CHRM3: variants seen among roughly 807,000 people sequenced by gnomAD.
The protein encoded by CHRM3 is cholinergic receptor muscarinic 3.
Under a neutral mutation model 41.8 loss-of-function variants are expected in CHRM3, and 11 were observed. The observed-to-expected ratio is 0.26, with a 90% CI of 0.17 to 0.44. The LOEUF is 0.44. CHRM3 is among the 20% of genes least tolerant of loss of function. The pLI is 1.00. For missense variants in CHRM3, 571 were observed against 745.4 expected, an observed-to-expected ratio of 0.77 and a Z score of 2.72; for synonymous variants, 297 against 301.4, an observed-to-expected ratio of 0.99 and a Z score of 0.15.
At chr1:239,691,633 T>C (rs926937786) in intron 5 of CHRM3, among the ~76,000 whole-genome samples, 3 of 152,204 alleles carry the variant, frequency 2.0e-5, no homozygotes, top group Non-Finnish European at 4.4e-5. Flanking sequence ...TCATCAGTTT[T>C]AAATGTTATA....
At chr1:239,641,756 T>A (rs1164307123) in intron 4 of CHRM3, among the ~76,000 whole-genome samples, 2 of 130,146 alleles carry the variant, frequency 1.5e-5, no homozygotes, top group African/African-American at 6.1e-5. Flanking sequence ...GAGCATTTAG[T>A]CCATTTATAT....
chr1:239,619,760 A>G (rs1461711072), intron 3 of CHRM3, among the ~76,000 whole-genome samples: 1 of 152,142 alleles, frequency 6.6e-6, no homozygotes, highest in East Asian at 1.9e-4. Context: ...GGTGTGACCC[A>G]AAATAAGAAC....
chr1:239,707,152 T>C (rs1661274138), intron 5 of CHRM3: 1 of 152,318 alleles, frequency 6.6e-6, no homozygotes, highest in East Asian at 1.9e-4. Context: ...AAATATGTTA[T>C]ATAGCTATTT....
rs184492353 is a variant in CHRM3 at position 239,861,040 on chromosome 1, C to G, written c.-20+33662C>G. 5.3e-5 allele frequency among the ~76,000 whole-genome samples: 8 copies of G among 152,218 alleles called. No homozygotes were observed. The East Asian group carries it at 1.5e-3, about 29-fold the overall frequency. On this transcript the variant is annotated intron_variant, in intron 6 of 6. Transcript: ENST00000676153. Reference sequence around the variant, plus strand: ...CTTACAAGTCACTTAGCAGGAGGAACTAGGACTCAAAATTAGAGACTTGTT... The same window carrying G: ...CTTACAAGTCACTTAGCAGGAGGAAGTAGGACTCAAAATTAGAGACTTGTT...
chr1:239,791,937 C>T (rs574334043), intron 5 of CHRM3, among the ~76,000 whole-genome samples: 4 of 152,240 alleles, frequency 2.6e-5, no homozygotes, highest in East Asian at 1.9e-4. Flanking sequence ...TGTAAATATA[C>T]GTATTCAGTC....
At chr1:239,676,230 T>C (rs1359914054) in intron 4 of CHRM3, among the ~76,000 whole-genome samples, 4 of 152,172 alleles carry the variant, frequency 2.6e-5, no homozygotes, top group African/African-American at 7.2e-5. Flanking sequence ...TGAGAGAAGC[T>C]CATAGATAAC....
intron 5 of CHRM3, among the ~76,000 whole-genome samples, chr1:239,702,249 T>G (rs531791234): frequency 1.3e-5 from 2 of 152,270 alleles, no homozygotes; most frequent in African/African-American, 4.8e-5. Flanking sequence ...CATTTTGGGG[T>G]AATTAACCTA....
rs1664314966 is a variant in CHRM3, at chr1:239,448,522, G to A, written c.-520-44187G>A. ...CATGTAATATTTATTATGAGGTTTGGGGAAAGAAAATTGATATTTTAAAAC... is the reference window on the plus strand; with the variant it reads ...CATGTAATATTTATTATGAGGTTTGAGGAAAGAAAATTGATATTTTAAAAC... On this transcript the variant is annotated intron_variant, in intron 1 of 6. Coordinates refer to ENST00000676153, the MANE Select transcript of CHRM3 (RefSeq NM_001375978.1). Among the ~76,000 whole-genome samples the A allele has an allele frequency of 2.0e-5, 3 of 152,156 alleles. No homozygotes were observed. The South Asian group carries it at 6.2e-4, about 32-fold the overall frequency.
chr1:239,494,456 G>A (rs1026085426), intron 2 of CHRM3, among the ~76,000 whole-genome samples: 23 of 152,036 alleles, frequency 1.5e-4, no homozygotes, highest in Admixed American at 5.9e-4. Flanking sequence ...GTGAAGATAC[G>A]TACATAAAAA....
chr1:239,706,781 C>G (rs188473319), intron 5 of CHRM3: 1 of 152,258 alleles, frequency 6.6e-6, no homozygotes, highest in South Asian at 2.1e-4. Context: ...CACACACACA[C>G]GCAGAGGCAT....
At chr1:239,468,355 T>G (rs1327051342) in intron 1 of CHRM3, among the ~76,000 whole-genome samples, 1 of 152,242 alleles carries the variant, frequency 6.6e-6, no homozygotes, top group Non-Finnish European at 1.5e-5. Context: ...GGAATATGTT[T>G]CTACCATGAT....
chr1:239,758,675 G>A (rs908635291), intron 5 of CHRM3, among the ~76,000 whole-genome samples: 2 of 152,092 alleles, frequency 1.3e-5, no homozygotes, highest in African/African-American at 4.8e-5. Context: ...GCTTCAAATC[G>A]CCTGGACTAT....
At chr1:239,586,105 C>T (rs533534796) in intron 3 of CHRM3, among the ~76,000 whole-genome samples, 11 of 152,258 alleles carry the variant, frequency 7.2e-5, no homozygotes, top group African/African-American at 2.2e-4. Context: ...CCTGCCCTCC[C>T]GTGGGAGGCA....
At position 239,757,734 on chromosome 1, in the gene CHRM3, A is replaced by G. The variant is rs577134998; in HGVS notation, c.-146-69518A>G. Among the ~76,000 whole-genome samples the G allele has an allele frequency of 3.1e-4, 47 of 152,318 alleles. No homozygotes were observed. In the South Asian group the frequency reaches 7.3e-3, roughly 24 times the overall value. ...GTGAAGTAGAAGTTCAATAAAAGCC[A>G]TCCAGTTTAATCCTGTGCCTTCCTC... On this transcript the variant is annotated intron_variant, in intron 5 of 6. Transcript: ENST00000676153.
intron 1 of CHRM3, among the ~76,000 whole-genome samples, chr1:239,446,188 G>A (rs897070454): frequency 6.6e-6 from 1 of 152,130 alleles, no homozygotes; most frequent in Non-Finnish European, 1.5e-5. Context: ...GCCCGCCTTG[G>A]CCTCCCAAAG....
chr1:239,811,851 T>TA (rs139162807), intron 5 of CHRM3, among the ~76,000 whole-genome samples: 2,282 of 151,184 alleles, frequency 0.015, 73 homozygotes, highest in African/African-American at 0.051. Context: ...TTAAAGCCTT[T>TA]AAAAAAAAAT....
At chr1:239,563,824 G>T (rs936498703) in intron 3 of CHRM3, among the ~76,000 whole-genome samples, 1 of 152,134 alleles carries the variant, frequency 6.6e-6, no homozygotes, top group African/African-American at 2.4e-5. Context: ...GGAAAAAAAA[G>T]TGTGGCAGGA....
intron 3 of CHRM3, among the ~76,000 whole-genome samples, chr1:239,615,274 T>C (rs1246246252): frequency 6.6e-6 from 1 of 152,198 alleles, no homozygotes; most frequent in Non-Finnish European, 1.5e-5. Context: ...CTCTATTTTA[T>C]AAGAACTGAG....
intron 3 of CHRM3, chr1:239,546,715 C>T (rs566414427): frequency 6.6e-6 from 1 of 152,244 alleles, no homozygotes; most frequent in African/African-American, 2.4e-5. Flanking sequence ...CTGCTTCTCT[C>T]CATCGTGTTT....
Sources: gnomAD v4.1 joint callset for allele counts (sites outside exome capture counted in the v4.1 genomes callset) on GRCh38, gnomAD v4.1.1 for gene constraint, MANE v1.5 for transcripts, NCBI Gene and HGNC (gene_info 2026-07-23, HGNC 2026-07-21) for gene names.